The following PLA2G2C variants were observed in gnomAD, a reference collection of about 807,000 sequenced individuals.
PLA2G2C encodes putative inactive group IIC secretory phospholipase A2.
In PLA2G2C, 15 loss-of-function variants were observed where a neutral mutation model predicts 14.3. The ratio of observed to expected loss-of-function variants is 1.05; its 90% CI spans 0.70 to 1.62. PLA2G2C has a LOEUF of 1.62. Among genes scored for constraint, PLA2G2C ranks in the 40% most tolerant of loss-of-function variants. The pLI, the probability that PLA2G2C is intolerant of heterozygous loss-of-function variation, is 0.00. For synonymous variants in PLA2G2C, 79 were observed against 67.7 expected (o/e 1.17, Z -0.82); for missense variants, 162 against 173.2 (o/e 0.94, Z 0.36).
rs995331197 is a variant in PLA2G2C, at chr1:20,164,086, C to T, written c.355G>A (p.Val119Met). 23 of 1,613,758 alleles carry T rather than the reference C, an allele frequency of 1.4e-5. No homozygotes were observed. Among genetic ancestry groups the T allele is most frequent in the South Asian group, 3.3e-5 (3 of 91,056 alleles). Residue 119 changes from valine to methionine, a missense_variant, in exon 5 of 5, where the codon GTG (valine) becomes ATG (methionine). Val to Met is a conservative substitution (Grantham distance 21, BLOSUM62 1). Coordinates refer to ENST00000679259, the MANE Select transcript of PLA2G2C (RefSeq NM_001367969.2). ...LKACECDKQS[V>M]HCFKESLPTY... ...GGCAGGCTCTCTTTGAAGCAGTGCA[C>T]GGATTGCTTGTCACACTCACAGGCC...
intron 2 of PLA2G2C, 74 bp downstream of exon 2, chr1:20,177,250 G>A: frequency 1.4e-6 from 1 of 699,854 alleles, no homozygotes. Context: ...GGTGCCACCT[G>A]GAGAGTCCCC....
At chr1:20,182,655 A>G (rs1005466428) in intron 1 of PLA2G2C, among the ~76,000 whole-genome samples, 1 of 152,248 alleles carries the variant, frequency 6.6e-6, no homozygotes, top group African/African-American at 2.4e-5. Flanking sequence ...TGATCACAGG[A>G]GCCATGACTA....
intron 4 of PLA2G2C, among the ~76,000 whole-genome samples, chr1:20,170,423 C>T (rs1569927621): frequency 6.6e-6 from 1 of 152,330 alleles, no homozygotes; most frequent in Middle Eastern, 3.4e-3. Flanking sequence ...TTCCACAAGA[C>T]TGTGAATGCC....
chr1:20,170,835 G>C (rs1012054311), intron 4 of PLA2G2C, among the ~76,000 whole-genome samples: 1 of 141,424 alleles, frequency 7.1e-6, no homozygotes, highest in Non-Finnish European at 1.5e-5. Flanking sequence ...GGCAACGTGG[G>C]AAGAAAGTAC....
chr1:20,171,762 T>C lies in PLA2G2C; in HGVS notation c.283+1032A>G, dbSNP rs941933157. Among the ~76,000 whole-genome samples, 39 of 145,550 alleles carry C rather than the reference T, an allele frequency of 2.7e-4. No homozygotes were observed. The East Asian group carries it at 4.1e-3, about 15-fold the overall frequency. On this transcript the variant is annotated intron_variant, in intron 4 of 4. Transcript: ENST00000679259. ...CACTATAAGAAGCCACTTCTTCTTT[T>C]TTTTTTTTTTTTTTTTTGAGACGGA... is the stretch of plus-strand genomic sequence containing the variant.
At chr1:20,182,976 C>G (rs2018298203) in intron 1 of PLA2G2C, among the ~76,000 whole-genome samples, 1 of 151,884 alleles carries the variant, frequency 6.6e-6, no homozygotes, top group Admixed American at 6.5e-5. Context: ...AAACGCTAGC[C>G]TTGGAATCAG....
chr1:20,185,372 T>C (rs562818561), intron 1 of PLA2G2C, among the ~76,000 whole-genome samples: 2 of 152,164 alleles, frequency 1.3e-5, no homozygotes, highest in South Asian at 4.2e-4. Context: ...CTTTTGAGAA[T>C]GCCGAGGTAA....
chr1:20,181,490 G>A (rs377457887), intron 1 of PLA2G2C, among the ~76,000 whole-genome samples: 1 of 151,824 alleles, frequency 6.6e-6, no homozygotes, highest in African/African-American at 2.4e-5. Flanking sequence ...CCCCAGGTGC[G>A]TCTGACTCCA....
intron 4 of PLA2G2C, among the ~76,000 whole-genome samples, chr1:20,170,640 A>G (rs2018056880): frequency 6.6e-6 from 1 of 151,942 alleles, no homozygotes; most frequent in Non-Finnish European, 1.5e-5. Flanking sequence ...GGGGCTTGGC[A>G]AGGTGGGGGT....
At chr1:20,185,994 GGCCCCCACCC>G in intron 1 of PLA2G2C, 1 of 150,562 alleles carries the variant, frequency 6.6e-6, no homozygotes, top group Non-Finnish European at 1.5e-5. Context: ...CTGGCCCAGC[GGCCCCCACCC>G]GACCCCACCC....
chr1:20,185,674 T>A (rs1337526699), intron 1 of PLA2G2C, among the ~76,000 whole-genome samples: 1 of 152,094 alleles, frequency 6.6e-6, no homozygotes, highest in Non-Finnish European at 1.5e-5. Context: ...CCTAGAAGCA[T>A]CCACTCAGAG....
Position 20,172,834 on chromosome 1 carries a change from C to T in PLA2G2C, c.243G>A (p.Leu81=). ...KLKEFSCQPV[L]NSYQFHIVNG... is the part of the protein sequence containing the mutation. ...TGACGATGTGGAACTGGTAGCTGTT[C>T]AACACAGGCTGGCAGCTGAACTCCT... Residue 81 remains leucine (L), a synonymous_variant, in exon 4 of 5, where the codon TTG becomes TTA. Transcript: ENST00000679259. The T allele has an allele frequency of 1.9e-6, 3 of 1,613,892 alleles. No homozygotes were observed. Among genetic ancestry groups the T allele is most frequent in the Non-Finnish European group, 2.5e-6 (3 of 1,179,858 alleles).
At chr1:20,165,722 G>A (rs1051050858) in intron 4 of PLA2G2C, among the ~76,000 whole-genome samples, 1 of 112,802 alleles carries the variant, frequency 8.9e-6, no homozygotes, top group African/African-American at 3.1e-5. Context: ...CTGTGTGCAT[G>A]TGTATGCTTG....
At chr1:20,174,153 C>A (rs1409002695) in intron 3 of PLA2G2C, among the ~76,000 whole-genome samples, 4 of 152,182 alleles carry the variant, frequency 2.6e-5, no homozygotes, top group African/African-American at 9.7e-5. Context: ...TTCCAAGGCT[C>A]TGAGGTCCTC....
chr1:20,167,571 C>T (rs548345273), intron 4 of PLA2G2C, among the ~76,000 whole-genome samples: 1 of 152,310 alleles, frequency 6.6e-6, no homozygotes, highest in South Asian at 2.1e-4. Context: ...GGTTGTGCCT[C>T]CCTGTGCTTT....
At chr1:20,184,995 A>G (rs1232955362) in intron 1 of PLA2G2C, among the ~76,000 whole-genome samples, 1 of 152,142 alleles carries the variant, frequency 6.6e-6, no homozygotes, top group Non-Finnish European at 1.5e-5. Context: ...TCTACAAAAA[A>G]TAATAAAAAT....
chr1:20,169,380 G>C (rs186784300), intron 4 of PLA2G2C, among the ~76,000 whole-genome samples: 1 of 151,876 alleles, frequency 6.6e-6, no homozygotes, highest in East Asian at 1.9e-4. Flanking sequence ...GGGTCTCACT[G>C]TGTTGCCCAG....
chr1:20,177,467 A>C, intron 1 of PLA2G2C, 28 bp from the exon 2 acceptor site: 1 of 591,226 alleles, frequency 1.7e-6, no homozygotes, highest in Non-Finnish European at 3.0e-6. Context: ...GACCAAAATG[A>C]GGCAAGGGTA....
At chr1:20,184,628 G>C (rs996631862) in intron 1 of PLA2G2C, 1 of 152,256 alleles carries the variant, frequency 6.6e-6, no homozygotes, top group African/African-American at 2.4e-5. Context: ...AATTCACCTT[G>C]GAGAGAATCA....
Sources: gnomAD v4.1 joint callset for allele counts (sites outside exome capture counted in the v4.1 genomes callset) on GRCh38, gnomAD v4.1.1 for gene constraint, MANE v1.5 for transcripts, NCBI Gene and HGNC (gene_info 2026-07-23, HGNC 2026-07-21) for gene names.